The following SNN variants were observed in gnomAD, a reference collection of about 807,000 sequenced individuals.
SNN encodes the protein stannin.
A neutral mutation model predicts 5.3 loss-of-function variants in SNN; 5 were observed. The ratio of observed to expected loss-of-function variants is 0.94; its 90% CI spans 0.49 to 1.97. SNN has a LOEUF of 1.97. SNN is among the 30% of genes most tolerant of loss of function. The probability of loss-of-function intolerance (pLI) is 0.01; values close to 1 mark genes in which losing one functional copy is unlikely to be tolerated. For missense variants in SNN, 127 were observed against 121.6 expected (o/e 1.04, Z -0.21); for synonymous variants, 67 against 52.1 (o/e 1.29, Z -1.24).
chr16:11,669,951 C>G (rs900854428), intron 1 of SNN, among the ~76,000 whole-genome samples: 1 of 152,222 alleles, frequency 6.6e-6, no homozygotes, highest in Non-Finnish European at 1.5e-5. Context: ...TGGGCACAGC[C>G]CCATCAGTGT....
At position 11,671,669 on chromosome 16, in the gene SNN, C is replaced by A. The variant is rs1347002044; in HGVS notation, c.-86+3129C>A. 6.6e-6 allele frequency among the ~76,000 whole-genome samples: 1 copy of A among 152,192 alleles called. No homozygotes were observed. The highest frequency in any genetic ancestry group is 2.4e-5 in the African/African-American group (1 of 41,436). ...TGTGCCAGCCTGGGCATCTCCCCAA[C>A]CCAAGCTGTGGCCCGTCCCTGTCCC... On this transcript the variant is annotated intron_variant, in intron 1 of 1. Coordinates refer to ENST00000329565, the MANE Select transcript of SNN (RefSeq NM_003498.6). The surrounding 1 kb of genome is among the most constrained non-coding windows in gnomAD (Gnocchi z 4.7).
chr16:11,670,057 C>A (rs1377314607), intron 1 of SNN, among the ~76,000 whole-genome samples: 1 of 152,228 alleles, frequency 6.6e-6, no homozygotes, highest in Non-Finnish European at 1.5e-5. Flanking sequence ...GCTGGAGGCC[C>A]AGGGCAGAAC....
intron 1 of SNN, 138 bp from the exon 2 acceptor site, chr16:11,675,837 T>G: frequency 2.0e-6 from 1 of 511,562 alleles, no homozygotes; most frequent in Non-Finnish European, 3.5e-6. Flanking sequence ...TGGGTGAGCG[T>G]GGGTGAGCAG....
At chr16:11,673,991 G>C (rs2050282514) in intron 1 of SNN, among the ~76,000 whole-genome samples, 1 of 152,234 alleles carries the variant, frequency 6.6e-6, no homozygotes, top group South Asian at 2.1e-4. Context: ...CCCGGGCCTG[G>C]TCCCTGGACA....
At chr16:11,673,749 G>A (rs953554904) in intron 1 of SNN, among the ~76,000 whole-genome samples, 1 of 152,226 alleles carries the variant, frequency 6.6e-6, no homozygotes, top group Non-Finnish European at 1.5e-5. Flanking sequence ...AGGAGGGTTC[G>A]TTGCGGGGGT....
rs928073789 is a variant in SNN at position 11,677,763 on chromosome 16, A to C, written c.*1437A>C. The C allele has an allele frequency of 7.2e-5, 12 of 167,210 alleles. No individual in the cohort carries two copies. Among genetic ancestry groups the C allele is most frequent in the Middle Eastern group, 3.4e-3 (1 of 296 alleles). The allele number at this position is 167,210 out of a possible 1,614,324, so 10.4% of individuals were successfully genotyped here. A position where few individuals can be genotyped will look rare whatever the true frequency, so the allele number is the denominator to read the frequency against. On this transcript the variant is annotated 3_prime_UTR_variant, in exon 2 of 2. Transcript: ENST00000329565. The surrounding 1 kb of genome is among the most constrained non-coding windows in gnomAD (Gnocchi z 4.2). ...ACTCGTGCCTGCCCATCCCTGTAAT[A>C]GATGGAAGGTCAGCCCCGGCTTAAC...
At position 11,679,140 on chromosome 16, in the gene SNN, A is replaced by C; in HGVS notation, c.*2814A>C. On this transcript the variant is annotated 3_prime_UTR_variant, in exon 2 of 2. Transcript: ENST00000329565. The surrounding 1 kb of genome is among the most constrained non-coding windows in gnomAD (Gnocchi z 4.6). Reference sequence around the variant, plus strand: ...AATAAATTTCAATAAAATTTGCATAAATATATTCCCAATGTACAATTTTCA... The same window carrying C: ...AATAAATTTCAATAAAATTTGCATACATATATTCCCAATGTACAATTTTCA... 1 of 1,552,984 alleles carries C rather than the reference A, an allele frequency of 6.4e-7. No individual in the cohort carries two copies. Among genetic ancestry groups the C allele is most frequent in the Non-Finnish European group, 8.7e-7 (1 of 1,143,620 alleles).
rs2050275700 is a variant in SNN at position 11,672,987 on chromosome 16, C to T, written c.-85-2988C>T. On this transcript the variant is annotated intron_variant, in intron 1 of 1. Coordinates refer to ENST00000329565, the MANE Select transcript of SNN (RefSeq NM_003498.6). This position sits in a 1 kb window ranked among gnomAD's most constrained non-coding sequence, Gnocchi z 6.0. Reference sequence around the variant, plus strand: ...CCACCCCCACCCCCAAACACACACACTTCCCCTTCCGAATTGATACTGACT... The same window carrying T: ...CCACCCCCACCCCCAAACACACACATTTCCCCTTCCGAATTGATACTGACT... 6.6e-6 allele frequency among the ~76,000 whole-genome samples: 1 copy of T among 152,214 alleles called. No individual in the cohort carries two copies. The highest frequency in any genetic ancestry group is 2.4e-5 in the African/African-American group (1 of 41,428).
intron 1 of SNN, among the ~76,000 whole-genome samples, chr16:11,673,411 C>T (rs1179283099): frequency 6.6e-6 from 1 of 152,192 alleles, no homozygotes; most frequent in Non-Finnish European, 1.5e-5. Context: ...CATGCCAAGG[C>T]CACTGCTCCG....
chr16:11,675,005 G>C (rs949629367), intron 1 of SNN, among the ~76,000 whole-genome samples: 1 of 152,064 alleles, frequency 6.6e-6, no homozygotes, highest in Non-Finnish European at 1.5e-5. Context: ...TCCATCTCCC[G>C]GGACACTCTA....
chr16:11,674,288 C>T (rs1220384086), intron 1 of SNN, among the ~76,000 whole-genome samples: 2 of 152,198 alleles, frequency 1.3e-5, no homozygotes, highest in African/African-American at 4.8e-5. Flanking sequence ...TCACTGACCC[C>T]GGGTGCAGCC....
chr16:11,676,158 G>A lies in SNN; in HGVS notation c.99G>A (p.Trp33Ter), dbSNP rs750055799. The part of the protein sequence containing the change: ...AALGALILGC[W>*]CYLRLQRISQ... Reference sequence around the variant, plus strand: ...TGGGGGCCTTGATCCTGGGCTGCTGGTGCTACCTGCGGCTGCAGCGCATCA... The same window carrying A: ...TGGGGGCCTTGATCCTGGGCTGCTGATGCTACCTGCGGCTGCAGCGCATCA... The change falls in exon 2 of 2, where the codon TGG (tryptophan) becomes TGA (stop). Residue 33 changes from tryptophan to a stop codon, truncating the protein, a stop_gained. Transcript: ENST00000329565. LOFTEE classifies it high-confidence loss of function. 6.2e-7 allele frequency: 1 copy of A among 1,614,214 alleles called. No individual in the cohort carries two copies. Among genetic ancestry groups the A allele is most frequent in the South Asian group, 1.1e-5 (1 of 91,090 alleles).
At chr16:11,669,803 C>A (rs1357456921) in intron 1 of SNN, among the ~76,000 whole-genome samples, 2 of 152,182 alleles carry the variant, frequency 1.3e-5, no homozygotes, top group Non-Finnish European at 2.9e-5. Context: ...TTGGGGCAGT[C>A]CCGGTTCAGA....
rs909884930 is a variant in SNN, at chr16:11,676,395, G to A, written c.*69G>A. 68 of 1,514,226 alleles carry A rather than the reference G, an allele frequency of 4.5e-5. No homozygotes were observed. The highest frequency in any genetic ancestry group is 5.3e-5 in the Non-Finnish European group (59 of 1,118,892). 93.8% of individuals were successfully genotyped at this position (1,514,226 alleles called of 1,614,324 possible). A position where few individuals can be genotyped will look rare whatever the true frequency, so the allele number is the denominator to read the frequency against. On this transcript the variant is annotated 3_prime_UTR_variant, in exon 2 of 2. Coordinates refer to ENST00000329565, the MANE Select transcript of SNN (RefSeq NM_003498.6). ...GGCGCTGGGAGGGGCAAAACCATAC[G>A]GATGCGCTGCTGTCTGAGAGGAAGG...
At chr16:11,669,137 G>A (rs543922718) in intron 1 of SNN, among the ~76,000 whole-genome samples, 3 of 152,184 alleles carry the variant, frequency 2.0e-5, no homozygotes, top group Non-Finnish European at 2.9e-5. Flanking sequence ...CCCCTGGGCC[G>A]AGCCCCCTCC....
rs778831529 is a variant in SNN, at chr16:11,671,777, G to A, written c.-86+3237G>A. Among the ~76,000 whole-genome samples, 22 of 152,162 alleles carry A rather than the reference G, an allele frequency of 1.4e-4. No individual in the cohort carries two copies. Among genetic ancestry groups the A allele is most frequent in the Admixed American group, 4.6e-4 (7 of 15,278 alleles). On this transcript the variant is annotated intron_variant, in intron 1 of 1. Coordinates refer to ENST00000329565, the MANE Select transcript of SNN (RefSeq NM_003498.6). The surrounding 1 kb of genome is among the most constrained non-coding windows in gnomAD (Gnocchi z 4.7). Reference sequence around the variant, plus strand: ...AGCTTTGCTCAGAGGGGCTAGAAAGGAAGAACAGACAGGTGGGGTCCAGCC... The same window carrying A: ...AGCTTTGCTCAGAGGGGCTAGAAAGAAAGAACAGACAGGTGGGGTCCAGCC...
Position 11,671,746 on chromosome 16 carries a change from A to G in SNN, c.-86+3206A>G, listed in dbSNP as rs980552687. On this transcript the variant is annotated intron_variant, in intron 1 of 1. Coordinates refer to ENST00000329565, the MANE Select transcript of SNN (RefSeq NM_003498.6). This position sits in a 1 kb window ranked among gnomAD's most constrained non-coding sequence, Gnocchi z 4.7. ...AGGGCGAGGGGTTACCCAGCTTGCAAGACACAGCTTTGCTCAGAGGGGCTA... is the reference window on the plus strand; with the variant it reads ...AGGGCGAGGGGTTACCCAGCTTGCAGGACACAGCTTTGCTCAGAGGGGCTA... Among the ~76,000 whole-genome samples, 1 of 152,120 alleles carries G rather than the reference A, an allele frequency of 6.6e-6. No homozygotes were observed. The highest frequency in any genetic ancestry group is 2.4e-5 in the African/African-American group (1 of 41,406).
At chr16:11,674,360 C>A (rs2050285159) in intron 1 of SNN, among the ~76,000 whole-genome samples, 1 of 152,234 alleles carries the variant, frequency 6.6e-6, no homozygotes, top group Non-Finnish European at 1.5e-5. Flanking sequence ...GGTCTTGGGA[C>A]TCCAGAGAAC....
intron 1 of SNN, among the ~76,000 whole-genome samples, chr16:11,669,722 A>G (rs2050254363): frequency 6.6e-6 from 1 of 152,090 alleles, no homozygotes; most frequent in Non-Finnish European, 1.5e-5. Context: ...GCCTGTGAAA[A>G]TGACCAGCGG....
Sources: gnomAD v4.1 joint callset for allele counts (sites outside exome capture counted in the v4.1 genomes callset) on GRCh38, gnomAD v4.1.1 for gene constraint, Gnocchi (gnomAD v3.1) non-coding constraint, MANE v1.5 for transcripts, NCBI Gene and HGNC (gene_info 2026-07-23, HGNC 2026-07-21) for gene names.